Variants in TRPM3 observed in about 807,000 individuals in gnomAD.
The protein encoded by TRPM3 is transient receptor potential cation channel subfamily M member 3.
A neutral mutation model predicts 181.2 loss-of-function variants in TRPM3; 77 were observed. That is an observed-to-expected ratio of 0.42 (90% CI 0.35 to 0.51). TRPM3 has a LOEUF of 0.51. TRPM3 is among the 20% of genes least tolerant of loss of function. The probability of loss-of-function intolerance (pLI) is 0.01; values close to 1 mark genes in which losing one functional copy is unlikely to be tolerated. For missense variants in TRPM3, 1,759 were observed against 2,196.7 expected, an observed-to-expected ratio of 0.80 and a Z score of 3.98; for synonymous variants, 745 against 796.4, an observed-to-expected ratio of 0.94 and a Z score of 1.09.
At chr9:70,997,490 C>T (rs749152676) in intron 1 of TRPM3, among the ~76,000 whole-genome samples, 33 of 152,156 alleles carry the variant, frequency 2.2e-4, no homozygotes, top group African/African-American at 7.2e-4. Context: ...CCACCGCGCC[C>T]GGCCCTATCT....
intron 1 of TRPM3, among the ~76,000 whole-genome samples, chr9:71,306,148 G>T (rs2087293282): frequency 6.6e-6 from 1 of 152,042 alleles, no homozygotes; most frequent in South Asian, 2.1e-4. Context: ...GCCTTGCTTT[G>T]CTACCTGAAC....
intron 1 of TRPM3, among the ~76,000 whole-genome samples, chr9:71,139,977 A>G (rs951867411): frequency 6.6e-6 from 1 of 152,104 alleles, no homozygotes; most frequent in Non-Finnish European, 1.5e-5. Context: ...TCGCTATGCT[A>G]TTTACTGTCA....
intron 1 of TRPM3, among the ~76,000 whole-genome samples, chr9:70,883,034 G>A (rs1394137180): frequency 1.3e-5 from 2 of 152,168 alleles, no homozygotes; most frequent in African/African-American, 4.8e-5. Flanking sequence ...CAATGGGAGA[G>A]TAACAAACTT....
intron 12 of TRPM3, among the ~76,000 whole-genome samples, chr9:70,626,110 C>T (rs1274425829): frequency 6.6e-6 from 1 of 151,986 alleles, no homozygotes; most frequent in Non-Finnish European, 1.5e-5. Flanking sequence ...GTTATGGTGT[C>T]TTTTTTAGCT....
chr9:71,221,490 T>TA (rs980362382), intron 1 of TRPM3, among the ~76,000 whole-genome samples: 18 of 152,114 alleles, frequency 1.2e-4, no homozygotes, highest in Middle Eastern at 3.2e-3. Flanking sequence ...TTATGTTTTT[T>TA]AAAAAAAATA....
intron 1 of TRPM3, among the ~76,000 whole-genome samples, chr9:71,100,285 A>C (rs1021028444): frequency 1.3e-5 from 2 of 152,132 alleles, no homozygotes; most frequent in Non-Finnish European, 2.9e-5. Flanking sequence ...TCTTTACCCT[A>C]AATGAGTAGA....
intron 1 of TRPM3, among the ~76,000 whole-genome samples, chr9:70,884,145 T>C (rs2096047925): frequency 6.6e-6 from 1 of 152,152 alleles, no homozygotes; most frequent in Non-Finnish European, 1.5e-5. Context: ...GGAGTCAGTG[T>C]TAGGGTGTGG....
chr9:71,031,340 T>A (rs1184390565), intron 1 of TRPM3, among the ~76,000 whole-genome samples: 1 of 152,192 alleles, frequency 6.6e-6, no homozygotes, highest in Non-Finnish European at 1.5e-5. Flanking sequence ...AGAATTATGG[T>A]TAGCCTCATT....
chr9:71,150,330 A>C (rs906065749), intron 1 of TRPM3, among the ~76,000 whole-genome samples: 1 of 152,140 alleles, frequency 6.6e-6, no homozygotes, highest in South Asian at 2.1e-4. Context: ...TAAGAAATTT[A>C]TTGGTTACTA....
At chr9:71,441,243 A>C (rs1417436259) in intron 1 of TRPM3, among the ~76,000 whole-genome samples, 4 of 151,966 alleles carry the variant, frequency 2.6e-5, no homozygotes, top group African/African-American at 9.7e-5. Context: ...TTTTTCACAC[A>C]CAAAAAAAAT....
At chr9:71,366,983 A>AGG (rs1487838579) in intron 1 of TRPM3, among the ~76,000 whole-genome samples, 1 of 152,192 alleles carries the variant, frequency 6.6e-6, no homozygotes, top group East Asian at 1.9e-4. Flanking sequence ...AGGCAGATAG[A>AGG]GGCATTAACT....
chr9:71,265,855 C>T (rs2083358741), intron 1 of TRPM3, among the ~76,000 whole-genome samples: 1 of 152,086 alleles, frequency 6.6e-6, no homozygotes, highest in Admixed American at 6.6e-5. Flanking sequence ...ACCTCTTTTC[C>T]TCTCATATTT....
chr9:71,008,420 C>T (rs556391839), intron 1 of TRPM3, among the ~76,000 whole-genome samples: 5 of 152,232 alleles, frequency 3.3e-5, no homozygotes, highest in African/African-American at 1.2e-4. Flanking sequence ...ATGAGGTCAG[C>T]ATTACCCTAA....
At chr9:70,988,228 G>A (rs997070144) in intron 1 of TRPM3, among the ~76,000 whole-genome samples, 13 of 152,228 alleles carry the variant, frequency 8.5e-5, no homozygotes, top group Admixed American at 5.2e-4. Flanking sequence ...CGCAAAGCTT[G>A]CCACTGATTA....
chr9:70,761,755 C>A, intron 7 of TRPM3, 31 bp from the exon 8 acceptor site: 1 of 1,591,798 alleles, frequency 6.3e-7, no homozygotes, highest in South Asian at 1.1e-5. Context: ...AAAAGCAGGT[C>A]AACCAACTCC....
chr9:70,752,847 T>C (rs1450683488), intron 8 of TRPM3, among the ~76,000 whole-genome samples: 2 of 152,162 alleles, frequency 1.3e-5, no homozygotes, highest in South Asian at 2.1e-4. Flanking sequence ...TGGTGGCTCA[T>C]GCCTGTACTC....
At chr9:71,010,912 GAC>G (rs59803868) in intron 1 of TRPM3, among the ~76,000 whole-genome samples, 40,166 of 139,102 alleles carry the variant, frequency 0.29, 5,596 homozygotes, top group East Asian at 0.37. Flanking sequence ...TAAAGAAAAT[GAC>G]ACACACACAC....
At chr9:70,848,091 A>G (rs1413509251) in intron 3 of TRPM3, among the ~76,000 whole-genome samples, 1 of 152,204 alleles carries the variant, frequency 6.6e-6, no homozygotes, top group African/African-American at 2.4e-5. Flanking sequence ...AGGCTATAAG[A>G]TAACTGTTAA....
At chr9:70,797,413 G>A (rs560091084) in intron 6 of TRPM3, among the ~76,000 whole-genome samples, 22 of 152,216 alleles carry the variant, frequency 1.4e-4, no homozygotes, top group Admixed American at 7.2e-4. Flanking sequence ...CAGTCTTTCT[G>A]TAAAAATGTA....
Sources: allele counts gnomAD v4.1 joint callset (sites outside exome capture counted in the v4.1 genomes callset), GRCh38; gene constraint gnomAD v4.1.1; transcripts MANE v1.5; gene names NCBI Gene and HGNC (gene_info 2026-07-23, HGNC 2026-07-21).